The following DAAM2 variants were observed in gnomAD, a reference collection of about 807,000 sequenced individuals.
The protein encoded by DAAM2 is dishevelled associated activator of morphogenesis 2.
A neutral mutation model predicts 120.7 loss-of-function variants in DAAM2; 39 were observed. The ratio of observed to expected loss-of-function variants is 0.32; its 90% confidence interval spans 0.25 to 0.42. DAAM2 has a LOEUF of 0.42. Ranked by LOEUF, DAAM2 falls within the 10% of genes least tolerant of loss-of-function variation. The probability of loss-of-function intolerance (pLI) is 1.00; values close to 1 mark genes in which losing one functional copy is unlikely to be tolerated. For missense variants in DAAM2, 1,283 were observed against 1,401.7 expected (o/e 0.92, Z 1.35); for synonymous variants, 488 against 524.9 (o/e 0.93, Z 0.96).
intron 1 of DAAM2, chr6:39,821,138 C>G (rs2114131118): frequency 6.6e-6 from 1 of 152,396 alleles, no homozygotes; most frequent in Middle Eastern, 3.4e-3. Context: ...TTCCACCCAC[C>G]TCGGGCTCTT....
intron 16 of DAAM2, chr6:39,887,834 G>A (rs1023917145): frequency 6.3e-6 from 3 of 477,740 alleles, no homozygotes; most frequent in Non-Finnish European, 1.2e-5. Flanking sequence ...GTTGCTCTAA[G>A]CCCACGGAGG....
intron 1 of DAAM2, among the ~76,000 whole-genome samples, chr6:39,838,693 C>T (rs183052866): frequency 6.6e-6 from 1 of 152,234 alleles, no homozygotes; most frequent in African/African-American, 2.4e-5. Flanking sequence ...CTTGCTCTGT[C>T]ACCCAGGCTG....
chr6:39,831,738 G>A (rs12213376), intron 1 of DAAM2, among the ~76,000 whole-genome samples: 1,728 of 139,104 alleles, frequency 0.012, 18 homozygotes, highest in Non-Finnish European at 0.02. Flanking sequence ...TAGGGGGCAG[G>A]TGCACTGTGG....
intron 1 of DAAM2, among the ~76,000 whole-genome samples, chr6:39,803,705 G>A (rs923760692): frequency 9.2e-5 from 14 of 152,294 alleles, no homozygotes; most frequent in Middle Eastern, 3.4e-3. Flanking sequence ...TGCTAACACT[G>A]GAAGGAAACA....
intron 1 of DAAM2, among the ~76,000 whole-genome samples, chr6:39,835,639 C>T (rs1208635113): frequency 1.3e-5 from 2 of 152,198 alleles, no homozygotes; most frequent in African/African-American, 4.8e-5. Context: ...GGAACTCTTG[C>T]CATCCAGTGA....
At chr6:39,863,544 C>T (rs1440215076) in intron 3 of DAAM2, among the ~76,000 whole-genome samples, 23 of 151,968 alleles carry the variant, frequency 1.5e-4, no homozygotes, top group Admixed American at 1.2e-3. Context: ...GTTTTCATGC[C>T]GATTTGGAAG....
chr6:39,903,702 G>A lies in DAAM2; in HGVS notation c.*1665G>A, dbSNP rs980608075. The A allele has an allele frequency of 3.0e-5, 5 of 165,844 alleles. No individual in the cohort carries two copies. The highest frequency in any genetic ancestry group is 9.6e-5 in the African/African-American group (4 of 41,616). 10.3% of individuals were successfully genotyped at this position (165,844 alleles called of 1,614,324 possible). On this transcript the variant is annotated 3_prime_UTR_variant, in exon 25 of 25. Transcript: ENST00000274867. ...GCCTACTCTCAGCTGCCTATCTTCT[G>A]CCTTTCACTTGCATCCAACTCCTGG...
chr6:39,874,747 T>A (rs780822167), intron 10 of DAAM2, among the ~76,000 whole-genome samples: 1 of 152,200 alleles, frequency 6.6e-6, no homozygotes, highest in Non-Finnish European at 1.5e-5. Flanking sequence ...AGTGAGACTC[T>A]ATGAGATCAC....
chr6:39,813,821 A>G (rs935710620), intron 1 of DAAM2, among the ~76,000 whole-genome samples: 1 of 152,230 alleles, frequency 6.6e-6, no homozygotes, highest in Non-Finnish European at 1.5e-5. Flanking sequence ...CATACATTGT[A>G]AAAGCATGGT....
Position 39,902,067 on chromosome 6 carries a change from G to A in DAAM2, c.*30G>A, listed in dbSNP as rs1233095280. The A allele has an allele frequency of 6.4e-7, 1 of 1,564,248 alleles. No homozygotes were observed. The highest frequency in any genetic ancestry group is 2.3e-5 in the East Asian group (1 of 44,230). Reference sequence around the variant, plus strand: ...GGGAACTAGCCACACAGGAGGCCGGGAGACAGGGACTGGTGAGAATGGGGC... The same window carrying A: ...GGGAACTAGCCACACAGGAGGCCGGAAGACAGGGACTGGTGAGAATGGGGC... On this transcript the variant is annotated 3_prime_UTR_variant, in exon 25 of 25. Transcript: ENST00000274867.
In DAAM2 at chr6:39,902,332, A is replaced by G. The variant is rs3749997; in HGVS notation, c.*295A>G. On this transcript the variant is annotated 3_prime_UTR_variant, in exon 25 of 25. Coordinates refer to ENST00000274867, the MANE Select transcript of DAAM2 (RefSeq NM_001201427.2). ...CCAGGCTGAAGGGGCCCTGCTCCCC[A>G]TCCCCTACCATGGGCACCCATGTGC... 144 of 288,308 alleles carry G rather than the reference A, an allele frequency of 5.0e-4. 1 individual carries two copies. In the East Asian group the frequency reaches 6.8e-3, roughly 14 times the overall value. 17.9% of individuals were successfully genotyped at this position (288,308 alleles called of 1,614,324 possible).
intron 1 of DAAM2, among the ~76,000 whole-genome samples, chr6:39,835,347 T>C (rs1763063218): frequency 6.6e-6 from 1 of 152,188 alleles, no homozygotes; most frequent in South Asian, 2.1e-4. Flanking sequence ...GTATTTTCTG[T>C]GTGCAAGAGA....
chr6:39,825,209 G>A (rs1019002009), intron 1 of DAAM2, among the ~76,000 whole-genome samples: 6 of 152,002 alleles, frequency 3.9e-5, no homozygotes, highest in African/African-American at 1.5e-4. Flanking sequence ...GGCGGACATG[G>A]GGAAACGCTC....
At chr6:39,864,894 A>G (rs553776054) in intron 4 of DAAM2, 86 bp from the exon 5 acceptor site, 1 of 1,515,896 alleles carries the variant, frequency 6.6e-7, no homozygotes, top group Non-Finnish European at 8.9e-7. Context: ...ACCCTTTCTG[A>G]GGCAAGCATG....
At chr6:39,892,029 C>A (rs924826708) in intron 19 of DAAM2, among the ~76,000 whole-genome samples, 1 of 152,186 alleles carries the variant, frequency 6.6e-6, no homozygotes, top group Admixed American at 6.5e-5. Context: ...ATAATAGCCA[C>A]ACCTACAACA....
intron 15 of DAAM2, 104 bp downstream of exon 15, chr6:39,884,173 TCCTTCCCTTCCTCCATCTTCC>T (rs1765267044): frequency 4.6e-6 from 3 of 655,710 alleles, no homozygotes; most frequent in Middle Eastern, 3.4e-4. Flanking sequence ...TTCCTTTCCT[TCCTTCCCTTCCTCCATCTTCC>T]CCTTCCCTTC....
intron 1 of DAAM2, among the ~76,000 whole-genome samples, chr6:39,843,861 A>G (rs573830155): frequency 6.6e-6 from 1 of 152,270 alleles, no homozygotes; most frequent in South Asian, 2.1e-4. Context: ...GAAGTGCACC[A>G]TAGGAGGTGC....
At chr6:39,818,378 GA>G (rs1762379002) in intron 1 of DAAM2, among the ~76,000 whole-genome samples, 1 of 152,052 alleles carries the variant, frequency 6.6e-6, no homozygotes, top group African/African-American at 2.4e-5. Context: ...CGGGGGTGGG[GA>G]CCAACAATAT....
At chr6:39,856,025 G>T (rs1346944068) in intron 1 of DAAM2, 1 of 984,990 alleles carries the variant, frequency 1.0e-6, no homozygotes, top group Non-Finnish European at 1.2e-6. Flanking sequence ...AACACTCAGA[G>T]GACATGGTGG....
Sources: allele counts gnomAD v4.1 joint callset (sites outside exome capture counted in the v4.1 genomes callset), GRCh38; gene constraint gnomAD v4.1.1; transcripts MANE v1.5; gene names NCBI Gene and HGNC (gene_info 2026-07-23, HGNC 2026-07-21).